The following RRH variants were observed in gnomAD, a reference collection of about 807,000 sequenced individuals.
RRH encodes the protein retinal pigment epithelium-derived rhodopsin homolog.
RRH carries 36 observed loss-of-function variants against 33.1 expected under a neutral mutation model. The observed-to-expected ratio is 1.09, with a 90% CI of 0.83 to 1.44. The LOEUF (loss-of-function observed/expected upper bound fraction) is 1.44, where lower values mean the gene tolerates loss of function less well. Ranked by LOEUF, RRH falls within the 40% of genes most tolerant of loss-of-function variation. The pLI is 0.00. For synonymous variants in RRH, 124 were observed against 140.2 expected (o/e 0.88, Z 0.82); for missense variants, 393 against 420.2 (o/e 0.94, Z 0.57).
intron 1 of RRH, among the ~76,000 whole-genome samples, chr4:109,831,089 T>G (rs1733740559): frequency 6.6e-6 from 1 of 152,194 alleles, no homozygotes; most frequent in South Asian, 2.1e-4. Context: ...ACTGTTTAGT[T>G]CATAACCCCC....
chr4:109,835,957 G>A lies in RRH; in HGVS notation c.398-50G>A, dbSNP rs933255505. On this transcript the variant is annotated intron_variant, in intron 3 of 6. Coordinates refer to ENST00000317735, the MANE Select transcript of RRH (RefSeq NM_006583.5). ...TACAAATCAAGCAAGTTTAAAAAGT[G>A]AGTCCCATTAATGGCAAATGTTGCT... 10 of 1,607,170 alleles carry A rather than the reference G, an allele frequency of 6.2e-6. No individual in the cohort carries two copies. In the African/African-American group the frequency reaches 6.7e-5, roughly 11 times the overall value.
intron 5 of RRH, among the ~76,000 whole-genome samples, chr4:109,839,630 A>G (rs572044515): frequency 4.9e-4 from 74 of 152,144 alleles, no homozygotes; most frequent in African/African-American, 1.7e-3. Context: ...ACCCTTCAAC[A>G]AGCCCCAGTG....
intron 4 of RRH, among the ~76,000 whole-genome samples, chr4:109,836,826 A>G (rs1733893334): frequency 6.9e-6 from 1 of 144,580 alleles, no homozygotes; most frequent in Admixed American, 7.2e-5. Context: ...AGGCTGGGGC[A>G]GGAAGATCAC....
At chr4:109,828,180 A>C in intron 1 of RRH, 47 bp downstream of exon 1, 1 of 1,317,576 alleles carries the variant, frequency 7.6e-7, no homozygotes, top group Non-Finnish European at 1.1e-6. Context: ...GGGTGAAGAA[A>C]GGCAGAAGTT....
At chr4:109,835,343 G>T (rs906306188) in intron 2 of RRH, 23 bp from the exon 3 acceptor site, 4 of 1,516,638 alleles carry the variant, frequency 2.6e-6, no homozygotes, top group Non-Finnish European at 2.7e-6. Context: ...GAATGGTAGA[G>T]TCTTTTCAAT....
chr4:109,832,068 A>C (rs1733767589), intron 1 of RRH, among the ~76,000 whole-genome samples: 1 of 151,146 alleles, frequency 6.6e-6, no homozygotes, highest in Non-Finnish European at 1.5e-5. Context: ...CTTGATGGGG[A>C]ACTCAACTCT....
At position 109,836,065 on chromosome 4, in the gene RRH, C is replaced by T. The variant is rs1325705656; in HGVS notation, c.456C>T (p.Gly152=). 6.2e-7 allele frequency: 1 copy of T among 1,614,182 alleles called. No individual in the cohort carries two copies. Among genetic ancestry groups the T allele is most frequent in the East Asian group, 2.2e-5 (1 of 44,886 alleles). ...IGLILGAWIN[G]LFWALMPIIG... ...TGATTCTGGGAGCCTGGATCAATGG[C>T]CTGTTTTGGGCTTTGATGCCTATCA... Residue 152 remains glycine (G), a synonymous_variant, in exon 4 of 7, where the codon GGC becomes GGT. Transcript: ENST00000317735.
rs139314666 is a variant in RRH, at chr4:109,836,568, G to A, written c.551+408G>A. 2.0e-5 allele frequency among the ~76,000 whole-genome samples: 3 copies of A among 152,358 alleles called. No homozygotes were observed. The East Asian group carries it at 5.8e-4, about 29-fold the overall frequency. On this transcript the variant is annotated intron_variant, in intron 4 of 6. Transcript: ENST00000317735. Reference sequence around the variant, plus strand: ...TGCTGTCTTTTCAAGATGGTCTGGTGTTCCAGCACATTCTGAGAACTGCGT... The same window carrying A: ...TGCTGTCTTTTCAAGATGGTCTGGTATTCCAGCACATTCTGAGAACTGCGT...
chr4:109,836,794 C>T (rs1396734826), intron 4 of RRH, among the ~76,000 whole-genome samples: 3 of 150,650 alleles, frequency 2.0e-5, no homozygotes, highest in African/African-American at 7.4e-5. Context: ...GTGGTTCATG[C>T]CTGTAATCCC....
In RRH at chr4:109,833,687, T is replaced by C. The variant is rs1274760523; in HGVS notation, c.297+358T>C. The stretch of plus-strand genomic sequence containing the variant: ...CAATAAAGTAGTGATTTAATCATAA[T>C]ATTATGGAAGATAGTTAAGCTACCA... On this transcript the variant is annotated intron_variant, in intron 2 of 6. Transcript: ENST00000317735. Among the ~76,000 whole-genome samples the C allele has an allele frequency of 2.6e-5, 4 of 152,186 alleles. No homozygotes were observed. In the South Asian group the frequency reaches 6.2e-4, roughly 24 times the overall value.
intron 2 of RRH, 27 bp from the exon 3 acceptor site, chr4:109,835,339 T>G (rs1167038896): frequency 6.8e-7 from 1 of 1,469,480 alleles, no homozygotes; most frequent in African/African-American, 1.4e-5. Flanking sequence ...TTTAGAATGG[T>G]AGAGTCTTTT....
intron 2 of RRH, among the ~76,000 whole-genome samples, chr4:109,834,622 C>T (rs1027673189): frequency 6.7e-6 from 1 of 150,228 alleles, no homozygotes; most frequent in African/African-American, 2.5e-5. Context: ...GGATTACAGG[C>T]ATGAGCCACT....
At chr4:109,828,169 T>G (rs1446352990) in intron 1 of RRH, 36 bp downstream of exon 1, 1 of 1,430,164 alleles carries the variant, frequency 7.0e-7, no homozygotes, top group South Asian at 1.1e-5. Context: ...TTCTTTAGAA[T>G]GGGTGAAGAA....
chr4:109,842,426 A>T, intron 5 of RRH, 43 bp from the exon 6 acceptor site: 2 of 1,552,166 alleles, frequency 1.3e-6, no homozygotes, highest in Non-Finnish European at 1.8e-6. Context: ...TAATATTTAA[A>T]TATTTTAGGT....
chr4:109,831,144 G>A (rs1733741839), intron 1 of RRH, among the ~76,000 whole-genome samples: 1 of 152,126 alleles, frequency 6.6e-6, no homozygotes, highest in Non-Finnish European at 1.5e-5. Flanking sequence ...TATTCTGGTT[G>A]CGTACTTGGT....
rs989014582 is a variant in RRH at position 109,844,252 on chromosome 4, C to T, written c.*55C>T. Reference sequence around the variant, plus strand: ...ACTTTAGTTTTTTGACAATGCTTTTCTTTTAAATATGAGCCCATTTAGATC... The same window carrying T: ...ACTTTAGTTTTTTGACAATGCTTTTTTTTTAAATATGAGCCCATTTAGATC... On this transcript the variant is annotated 3_prime_UTR_variant, in exon 7 of 7. Coordinates refer to ENST00000317735, the MANE Select transcript of RRH (RefSeq NM_006583.5). The T allele has an allele frequency of 3.6e-6, 4 of 1,111,562 alleles. No individual in the cohort carries two copies. In the African/African-American group the frequency reaches 6.1e-5, roughly 17 times the overall value. 68.9% of individuals were successfully genotyped at this position (1,111,562 alleles called of 1,614,324 possible).
At chr4:109,835,341 G>A in intron 2 of RRH, 25 bp from the exon 3 acceptor site, 2 of 1,483,566 alleles carry the variant, frequency 1.3e-6, no homozygotes, top group Non-Finnish European at 1.9e-6. Context: ...TAGAATGGTA[G>A]AGTCTTTTCA....
chr4:109,828,795 G>A (rs1343222182), intron 1 of RRH, among the ~76,000 whole-genome samples: 1 of 151,902 alleles, frequency 6.6e-6, no homozygotes, highest in Non-Finnish European at 1.5e-5. Context: ...TTTCTCATCT[G>A]TAAAACAAGG....
intron 5 of RRH, among the ~76,000 whole-genome samples, chr4:109,838,249 T>C (rs1038794349): frequency 2.0e-5 from 3 of 152,234 alleles, no homozygotes; most frequent in Non-Finnish European, 2.9e-5. Context: ...AGTATAATGT[T>C]AACAATATTT....
Sources: gnomAD v4.1 joint callset for allele counts (sites outside exome capture counted in the v4.1 genomes callset) on GRCh38, gnomAD v4.1.1 for gene constraint, MANE v1.5 for transcripts, NCBI Gene and HGNC (gene_info 2026-07-23, HGNC 2026-07-21) for gene names.